Variants in C2CD5 observed in about 807,000 individuals in gnomAD.
C2CD5 encodes the protein C2 calcium dependent domain containing 5, also known as C2 domain-containing protein 5.
A neutral mutation model predicts 130.3 loss-of-function variants in C2CD5; 109 were observed. That is an observed-to-expected ratio of 0.84 (90% CI 0.72 to 0.98). The LOEUF is 0.98. Ranked by LOEUF, C2CD5 falls within the 50% of genes least tolerant of loss-of-function variation. C2CD5 has a pLI of 0.00. For synonymous variants in C2CD5, 454 were observed against 429.2 expected (o/e 1.06, Z -0.71); for missense variants, 996 against 1,261.8 (o/e 0.79, Z 3.19).
At chr12:22,496,575 C>A (rs990914477) in intron 10 of C2CD5, among the ~76,000 whole-genome samples, 1 of 151,378 alleles carries the variant, frequency 6.6e-6, no homozygotes, top group African/African-American at 2.4e-5. Context: ...TCACCTTAAA[C>A]ACATTTCTTC....
At chr12:22,499,524 A>G (rs1209806896) in intron 10 of C2CD5, among the ~76,000 whole-genome samples, 3 of 152,194 alleles carry the variant, frequency 2.0e-5, no homozygotes, top group African/African-American at 7.2e-5. Context: ...GCATGTAATA[A>G]GTTCTTGATC....
At chr12:22,477,505 TTTC>T (rs1265120449) in intron 15 of C2CD5, among the ~76,000 whole-genome samples, 1 of 152,186 alleles carries the variant, frequency 6.6e-6, no homozygotes, top group African/African-American at 2.4e-5. Flanking sequence ...AATGTTATAC[TTTC>T]TTTTTTTATT....
At chr12:22,490,964 T>G (rs1946269273) in intron 11 of C2CD5, among the ~76,000 whole-genome samples, 1 of 152,120 alleles carries the variant, frequency 6.6e-6, no homozygotes, top group Non-Finnish European at 1.5e-5. Context: ...GAACAGTCAC[T>G]TGAACTGTAA....
In C2CD5 at chr12:22,469,744, T is replaced by A. The variant is rs781195596; in HGVS notation, c.2498A>T (p.Asp833Val). The A allele has an allele frequency of 5.6e-6, 9 of 1,606,456 alleles. No homozygotes were observed. The highest frequency in any genetic ancestry group is 7.7e-6 in the Non-Finnish European group (9 of 1,176,396). Residue 833 changes from aspartate to valine, a missense_variant, in exon 22 of 27, where the codon GAT becomes GTT. Around this residue, in one of 9 missense-constraint regions of C2CD5, gnomAD observed 590 missense variants for 631.4 expected, o/e 0.93. Transcript: ENST00000446597. ...LLQFPLELCS[D>V]SLPSHPFPPA... ...TGGAAAAGGATGAGAAGGAAGTGAA[T>A]CTGAACACAGTTCCAGTGGAAATTG...
intron 25 of C2CD5, among the ~76,000 whole-genome samples, chr12:22,454,710 T>G (rs900316388): frequency 6.6e-6 from 1 of 152,170 alleles, no homozygotes; most frequent in Admixed American, 6.5e-5. Flanking sequence ...TCAATTTCTT[T>G]ATATTACTTA....
chr12:22,475,627 T>C (rs1025540381), intron 15 of C2CD5, among the ~76,000 whole-genome samples: 2 of 152,132 alleles, frequency 1.3e-5, no homozygotes, highest in Non-Finnish European at 2.9e-5. Flanking sequence ...AATTGTCTTT[T>C]TAATAAACAA....
chr12:22,504,266 C>T (rs1187044305), intron 10 of C2CD5, among the ~76,000 whole-genome samples: 1 of 150,844 alleles, frequency 6.6e-6, no homozygotes, highest in Non-Finnish European at 1.5e-5. Context: ...ACTCAGAGTA[C>T]ATGGAAGCAA....
At chr12:22,494,437 A>G (rs1442656857) in intron 10 of C2CD5, among the ~76,000 whole-genome samples, 2 of 152,130 alleles carry the variant, frequency 1.3e-5, no homozygotes, top group Non-Finnish European at 2.9e-5. Flanking sequence ...AAGTAGAATT[A>G]TACTCACTAG....
chr12:22,518,117 G>T lies in C2CD5; in HGVS notation c.821C>A (p.Pro274His). 1.2e-6 allele frequency: 2 copies of T among 1,613,796 alleles called. No individual in the cohort carries two copies. Among genetic ancestry groups the T allele is most frequent in the Non-Finnish European group, 1.7e-6 (2 of 1,179,816 alleles). The stretch of plus-strand genomic sequence containing the variant: ...TCCTGATGAGTGAGTATTGGGATTG[G>T]GATCTTCATTGAAGGGAATCCTGCC... ...EMKEIPFNED[P>H]NPNTHSSGPS... The change falls in exon 8 of 27, where the codon CCC becomes CAC. Residue 274 changes from proline to histidine, a missense_variant. Transcript: ENST00000446597.
At chr12:22,508,728 T>C (rs1948854485) in intron 9 of C2CD5, among the ~76,000 whole-genome samples, 1 of 152,190 alleles carries the variant, frequency 6.6e-6, no homozygotes, top group Non-Finnish European at 1.5e-5. Flanking sequence ...TAAGCTTATA[T>C]TATTAATAAT....
At position 22,449,794 on chromosome 12, in the gene C2CD5, T is replaced by C. The variant is rs1411151631; in HGVS notation, c.3122A>G (p.Gln1041Arg). 2 of 1,609,078 alleles carry C rather than the reference T, an allele frequency of 1.2e-6. No individual in the cohort carries two copies. The highest frequency in any genetic ancestry group is 1.3e-5 in the African/African-American group (1 of 74,984). The change falls in exon 27 of 27, where the codon CAG (glutamine) becomes CGG (arginine). Residue 1041 changes from glutamine (Q) to arginine (R), a missense_variant. Around this residue, in one of 9 missense-constraint regions of C2CD5, gnomAD observed 48 missense variants for 46.4 expected, o/e 1.03. Transcript: ENST00000446597. ...AACTTCGCCTTCAGTACATGATGAC[T>C]GGCAGTTGGTAGTAGGTTGCTGAGA... is the stretch of plus-strand genomic sequence containing the variant. ...VSSQQPTTNCQSSCTEGEVTT is the reference protein window; with the variant it reads ...VSSQQPTTNCRSSCTEGEVTT
chr12:22,452,039 G>A (rs1476435727), intron 26 of C2CD5, among the ~76,000 whole-genome samples: 1 of 152,152 alleles, frequency 6.6e-6, no homozygotes, highest in Non-Finnish European at 1.5e-5. Flanking sequence ...AGCTGATTTT[G>A]AGGCACTTGT....
intron 8 of C2CD5, among the ~76,000 whole-genome samples, chr12:22,517,131 A>G (rs1949809195): frequency 6.6e-6 from 1 of 151,950 alleles, no homozygotes; most frequent in Non-Finnish European, 1.5e-5. Flanking sequence ...ATTGTTTTAT[A>G]AATTTCTTTT....
intron 11 of C2CD5, among the ~76,000 whole-genome samples, chr12:22,491,969 G>A (rs1040606007): frequency 2.6e-5 from 4 of 152,058 alleles, no homozygotes; most frequent in African/African-American, 9.7e-5. Context: ...CAACTAGGGA[G>A]TAAGGCAAGA....
At chr12:22,537,117 T>C (rs1294362426) in intron 2 of C2CD5, among the ~76,000 whole-genome samples, 5 of 152,246 alleles carry the variant, frequency 3.3e-5, no homozygotes, top group Non-Finnish European at 5.9e-5. Flanking sequence ...GTGACAAGTT[T>C]AGAGCACTCT....
intron 22 of C2CD5, among the ~76,000 whole-genome samples, chr12:22,468,762 T>C (rs569216603): frequency 1.1e-4 from 16 of 152,308 alleles, no homozygotes; most frequent in Admixed American, 8.5e-4. Context: ...CTTTGAAATA[T>C]GAGACAAGAT....
intron 3 of C2CD5, among the ~76,000 whole-genome samples, chr12:22,530,111 T>TATATATATATAC (rs1301636778): frequency 1.1e-5 from 1 of 87,554 alleles, no homozygotes; most frequent in African/African-American, 6.3e-5. Flanking sequence ...TATATATATA[T>TATATATATATAC]ACACACACAC....
rs1938021402 is a variant in C2CD5, at chr12:22,449,275, A to G, written c.*485T>C. 6.6e-6 allele frequency: 1 copy of G among 152,282 alleles called. No individual in the cohort carries two copies. Among genetic ancestry groups the G allele is most frequent in the Admixed American group, 6.6e-5 (1 of 15,266 alleles). The allele number at this position is 152,282 out of a possible 1,614,324, so 9.4% of individuals were successfully genotyped here. On this transcript the variant is annotated 3_prime_UTR_variant, in exon 27 of 27. Transcript: ENST00000446597. ...CCTTTCAGTTGTTACCGAATTCCTC[A>G]GCAAAATACAACACATTCAGAAATC...
At chr12:22,450,858 A>G (rs1938440073) in intron 26 of C2CD5, among the ~76,000 whole-genome samples, 1 of 152,074 alleles carries the variant, frequency 6.6e-6, no homozygotes, top group Non-Finnish European at 1.5e-5. Flanking sequence ...GACCTATACC[A>G]TGGAGTGTTA....
Sources: allele counts gnomAD v4.1 joint callset (sites outside exome capture counted in the v4.1 genomes callset), GRCh38; gene constraint gnomAD v4.1.1; regional missense constraint gnomAD v4.1.1; transcripts MANE v1.5; gene names NCBI Gene and HGNC (gene_info 2026-07-23, HGNC 2026-07-21).